Variants in KALRN observed in about 807,000 individuals in gnomAD.
KALRN encodes kalirin.
In KALRN, 70 loss-of-function variants were observed where a neutral mutation model predicts 353.7. The observed-to-expected ratio is 0.20, with a 90% CI of 0.16 to 0.24. The LOEUF (loss-of-function observed/expected upper bound fraction) is 0.24, where lower values mean the gene tolerates loss of function less well. Among genes scored for constraint, KALRN ranks in the 10% least tolerant of loss-of-function variants. KALRN has a pLI of 1.00. For synonymous variants in KALRN, 1,391 were observed against 1,434.8 expected (o/e 0.97, Z 0.69); for missense variants, 2,791 against 3,756.7 (o/e 0.74, Z 6.72).
At chr3:124,399,293 C>T (rs1258579552) in intron 13 of KALRN, among the ~76,000 whole-genome samples, 2 of 152,008 alleles carry the variant, frequency 1.3e-5, no homozygotes, top group East Asian at 1.9e-4. Context: ...CATGCGCCAC[C>T]ACACCTGGCT....
chr3:124,105,476 G>T (rs971120811), intron 1 of KALRN, among the ~76,000 whole-genome samples: 1 of 152,160 alleles, frequency 6.6e-6, no homozygotes, highest in Non-Finnish European at 1.5e-5. Context: ...GAGTAGTGTA[G>T]ACTGTTTTTC....
intron 1 of KALRN, among the ~76,000 whole-genome samples, chr3:124,085,733 C>T (rs2060781405): frequency 6.6e-6 from 1 of 152,120 alleles, no homozygotes; most frequent in African/African-American, 2.4e-5. Flanking sequence ...TTGAAAATTA[C>T]CAGAGTAACA....
chr3:124,700,160 A>G, intron 56 of KALRN, 127 bp downstream of exon 56: 2 of 871,158 alleles, frequency 2.3e-6, no homozygotes, highest in Non-Finnish European at 3.6e-6. Context: ...AGGACTAAGA[A>G]GAATGTTTCT....
chr3:124,656,698 G>A (rs1037003647), intron 39 of KALRN, among the ~76,000 whole-genome samples: 1 of 152,256 alleles, frequency 6.6e-6, no homozygotes, highest in African/African-American at 2.4e-5. Flanking sequence ...CTTACATTTG[G>A]CCTGAGTTCC....
At chr3:124,094,792 A>G in intron 1 of KALRN, 1 of 1,545,136 alleles carries the variant, frequency 6.5e-7, no homozygotes, top group Non-Finnish European at 8.9e-7. Flanking sequence ...TGGTGGGATG[A>G]GGCTCTGCCG....
At chr3:124,535,245 A>G (rs1223017293) in intron 33 of KALRN, among the ~76,000 whole-genome samples, 2 of 152,194 alleles carry the variant, frequency 1.3e-5, no homozygotes, top group East Asian at 3.8e-4. Context: ...ATAAAATGAA[A>G]TAAATTTGGA....
chr3:124,445,855 C>T (rs2093820828), intron 19 of KALRN, among the ~76,000 whole-genome samples: 1 of 152,164 alleles, frequency 6.6e-6, no homozygotes. Context: ...TTCTTAGAAC[C>T]AAGGACTAAT....
chr3:124,071,116 T>C (rs2059996842), intron 1 of KALRN, among the ~76,000 whole-genome samples: 1 of 152,150 alleles, frequency 6.6e-6, no homozygotes, highest in African/African-American at 2.4e-5. Flanking sequence ...GGCAGCCTTG[T>C]GCCTGATTAG....
intron 36 of KALRN, among the ~76,000 whole-genome samples, chr3:124,634,686 C>G (rs1273170171): frequency 2.0e-5 from 3 of 152,200 alleles, no homozygotes; most frequent in Non-Finnish European, 1.5e-5. Flanking sequence ...CCTTGCAGCT[C>G]TGCTTTCACA....
chr3:124,425,081 T>G (rs1291436287), intron 15 of KALRN, among the ~76,000 whole-genome samples: 1 of 152,068 alleles, frequency 6.6e-6, no homozygotes, highest in Admixed American at 6.6e-5. Context: ...AAGGTTGATC[T>G]CATAGAAGTG....
intron 33 of KALRN, among the ~76,000 whole-genome samples, chr3:124,522,520 A>C (rs1027027387): frequency 5.3e-5 from 8 of 152,210 alleles, no homozygotes; most frequent in Admixed American, 3.9e-4. Flanking sequence ...GGCATGTACC[A>C]ATGCCCAATT....
At chr3:124,492,598 A>G (rs1223954809) in intron 31 of KALRN, 142 bp from the exon 32 acceptor site, 22 of 831,432 alleles carry the variant, frequency 2.6e-5, no homozygotes, top group East Asian at 1.3e-4. Context: ...TTGAAGAGTC[A>G]TAAGTATGAA....
chr3:124,646,391 C>CTTTTTTTTTTT (rs10673161), intron 37 of KALRN, among the ~76,000 whole-genome samples: 16 of 110,446 alleles, frequency 1.4e-4, no homozygotes, highest in East Asian at 7.0e-4. Context: ...CTTTTGTTTA[C>CTTTTTTTTTTT]TTTTTTTTTT....
At chr3:124,218,457 G>T (rs2150579647) in intron 1 of KALRN, among the ~76,000 whole-genome samples, 1 of 152,236 alleles carries the variant, frequency 6.6e-6, no homozygotes, top group East Asian at 1.9e-4. Flanking sequence ...TCAACAGTTG[G>T]ATCATAATAA....
chr3:124,141,846 C>G (rs1578527761), intron 1 of KALRN, among the ~76,000 whole-genome samples: 1 of 152,164 alleles, frequency 6.6e-6, no homozygotes, highest in African/African-American at 2.4e-5. Flanking sequence ...ACCCCTTTTT[C>G]CTATTAAATC....
At chr3:124,562,612 G>GATCTCGGTGGT in intron 33 of KALRN, 1 of 350,542 alleles carries the variant, frequency 2.9e-6, no homozygotes, top group South Asian at 2.2e-5. Context: ...TGATTGAATA[G>GATCTCGGTGGT]CACTGTGCTA....
At chr3:124,562,325 T>C (rs1256475516) in intron 33 of KALRN, among the ~76,000 whole-genome samples, 4 of 152,148 alleles carry the variant, frequency 2.6e-5, no homozygotes, top group African/African-American at 9.7e-5. Flanking sequence ...GGCTGTCTCT[T>C]CCATTATTCC....
chr3:124,688,422 AT>A (rs772945419), intron 51 of KALRN, among the ~76,000 whole-genome samples: 207 of 152,136 alleles, frequency 1.4e-3, no homozygotes, highest in Non-Finnish European at 2.5e-3. Context: ...AAACCCTACT[AT>A]TATACCTAAA....
At chr3:124,651,029 C>A in intron 38 of KALRN, 91 bp downstream of exon 38, 1 of 1,471,440 alleles carries the variant, frequency 6.8e-7, no homozygotes, top group Non-Finnish European at 9.3e-7. Context: ...AGGGGTTCCC[C>A]ACGCTGTTTC....
Sources: gnomAD v4.1 joint callset for allele counts (sites outside exome capture counted in the v4.1 genomes callset) on GRCh38, gnomAD v4.1.1 for gene constraint, MANE v1.5 for transcripts, NCBI Gene and HGNC (gene_info 2026-07-23, HGNC 2026-07-21) for gene names.